Variants in PTCH2 observed in about 807,000 individuals in gnomAD.
PTCH2 encodes the protein patched 2, also known as protein patched homolog 2.
A neutral mutation model predicts 117.9 loss-of-function variants in PTCH2; 96 were observed. That is an observed-to-expected ratio of 0.81 (90% CI 0.69 to 0.96). PTCH2 has a LOEUF of 0.96. Ranked by LOEUF, PTCH2 falls within the 50% of genes least tolerant of loss-of-function variation. The pLI, the probability that PTCH2 is intolerant of heterozygous loss-of-function variation, is 0.00. For synonymous variants in PTCH2, 615 were observed against 660.9 expected, an observed-to-expected ratio of 0.93 and a Z score of 1.06; for missense variants, 1,379 against 1,562.5, an observed-to-expected ratio of 0.88 and a Z score of 1.98.
chr1:44,828,667 C>A, intron 11 of PTCH2, 36 bp from the exon 12 acceptor site: 1 of 1,602,336 alleles, frequency 6.2e-7, no homozygotes, highest in Admixed American at 1.7e-5. Flanking sequence ...CCTCAGGTCA[C>A]AAGGGAGGGG....
rs780531715 is a variant in PTCH2 at position 44,828,324 on chromosome 1, G to A, written c.1681C>T (p.Arg561Cys). 3.7e-6 allele frequency: 6 copies of A among 1,614,008 alleles called. No individual in the cohort carries two copies. Among genetic ancestry groups the A allele is most frequent in the Non-Finnish European group, 3.4e-6 (4 of 1,179,910 alleles). Residue 561 changes from arginine to cysteine, a missense_variant, in exon 13 of 22, where the codon CGC becomes TGC. Physicochemically the swap from Arg to Cys is radical, Grantham distance 180 (BLOSUM62 -3). Transcript: ENST00000372192. Reference protein sequence around the residue: ...SLDLRRRHCQRLDVLCCFSSP... With the variant: ...SLDLRRRHCQCLDVLCCFSSP... ...GAGAAGCAGCAGAGCACATCAAGGC[G>A]CTGGCAGTGGCGCCGCCGTAGGTCC...
intron 19 of PTCH2, among the ~76,000 whole-genome samples, chr1:44,824,133 A>G (rs933394864): frequency 9.2e-5 from 14 of 152,206 alleles, no homozygotes; most frequent in African/African-American, 3.4e-4. Flanking sequence ...ATTTGGTCCT[A>G]TAAATAGAAG....
Position 44,827,967 on chromosome 1 carries a change from A to G in PTCH2, c.1934T>C (p.Leu645Pro), listed in dbSNP as rs1345570715. The G allele has an allele frequency of 1.2e-6, 2 of 1,614,208 alleles. No individual in the cohort carries two copies. Among genetic ancestry groups the G allele is most frequent in the South Asian group, 2.2e-5 (2 of 91,086 alleles). Reference sequence around the variant, plus strand: ...CCTTGTCTCCTCCTCCTGGCCTAGAAGGTCCCGTGTGGACCCTCCAGGGCT... The same window carrying G: ...CCTTGTCTCCTCCTCCTGGCCTAGAGGGTCCCGTGTGGACCCTCCAGGGCT... Reference protein sequence around the residue: ...LFSPGGSTRDLLGQEEETRQK... With the variant: ...LFSPGGSTRDPLGQEEETRQK... Residue 645 changes from leucine to proline, a missense_variant, in exon 14 of 22, where the codon CTT becomes CCT. Physicochemically the swap from Leu to Pro is moderately conservative, Grantham distance 98. Coordinates refer to ENST00000372192, the MANE Select transcript of PTCH2 (RefSeq NM_003738.5).
rs1654022341 is a variant in PTCH2 at position 44,842,983 on chromosome 1, C to T, written c.-51G>A. 6.7e-7 allele frequency: 1 copy of T among 1,499,460 alleles called. No homozygotes were observed. The highest frequency in any genetic ancestry group is 8.9e-7 in the Non-Finnish European group (1 of 1,127,788). 92.9% of individuals were successfully genotyped at this position (1,499,460 alleles called of 1,614,324 possible). On this transcript the variant is annotated 5_prime_UTR_variant, in exon 1 of 22. Coordinates refer to ENST00000372192, the MANE Select transcript of PTCH2 (RefSeq NM_003738.5). Reference sequence around the variant, plus strand: ...GCCCCCAACCCGCGTTATCTGGGCGCTCCCATAGGCTAGCCCGGTCTCCCG... The same window carrying T: ...GCCCCCAACCCGCGTTATCTGGGCGTTCCCATAGGCTAGCCCGGTCTCCCG...
rs567202159 is a variant in PTCH2, at chr1:44,826,055, A to G, written c.3114+195T>C. Reference sequence around the variant, plus strand: ...AAGACAGGGTTTCACCATGTTGGCCAGGCTGGTTTCGAACTCCTGACCTCA... The same window carrying G: ...AAGACAGGGTTTCACCATGTTGGCCGGGCTGGTTTCGAACTCCTGACCTCA... On this transcript the variant is annotated intron_variant, in intron 19 of 21. Coordinates refer to ENST00000372192, the MANE Select transcript of PTCH2 (RefSeq NM_003738.5). The surrounding 1 kb of genome is among the most constrained non-coding windows in gnomAD (Gnocchi z 5.1). 2.6e-4 allele frequency among the ~76,000 whole-genome samples: 39 copies of G among 152,194 alleles called. No homozygotes were observed. The highest frequency in any genetic ancestry group is 1.8e-4 in the Non-Finnish European group (12 of 68,010).
intron 2 of PTCH2, among the ~76,000 whole-genome samples, chr1:44,835,851 G>A (rs1653662722): frequency 6.6e-6 from 1 of 152,198 alleles, no homozygotes; most frequent in South Asian, 2.1e-4. Flanking sequence ...CCGTGTTTCG[G>A]TACTGCTAAG....
chr1:44,820,517 G>A (rs1393857474), downstream of PTCH2: 3 of 679,920 alleles, frequency 4.4e-6, no homozygotes, highest in East Asian at 2.7e-5. Flanking sequence ...GATGGCATCC[G>A]ATCCAATTCA....
chr1:44,822,991 GCT>G, intron 21 of PTCH2, 76 bp downstream of exon 21: 1 of 1,485,006 alleles, frequency 6.7e-7, no homozygotes, highest in Non-Finnish European at 9.2e-7. Context: ...GGGCCACAGG[GCT>G]CTGTCCCTTC....
At chr1:44,840,234 CT>C in intron 2 of PTCH2, among the ~76,000 whole-genome samples, 1 of 151,658 alleles carries the variant, frequency 6.6e-6, no homozygotes, top group South Asian at 2.1e-4. Flanking sequence ...TCCCAAGTAG[CT>C]GGGACTACAG....
At position 44,823,157 on chromosome 1, in the gene PTCH2, G is replaced by T; in HGVS notation, c.3269C>A (p.Ala1090Glu). The change falls in exon 21 of 22, where the codon GCG (alanine) becomes GAG (glutamate). Residue 1090 changes from alanine (A) to glutamate (E), a missense_variant. Physicochemically the swap from Ala to Glu is moderately radical, Grantham distance 107 (BLOSUM62 -1). Coordinates refer to ENST00000372192, the MANE Select transcript of PTCH2 (RefSeq NM_003738.5). The surrounding 1 kb of genome is among the most constrained non-coding windows in gnomAD (Gnocchi z 5.1). ...HFDFIVRYFF[A>E]ALTVLTLLGL... is the part of the protein sequence containing the mutation. ...CAGGAGCGTGAGCACTGTCAGCGCC[G>T]CAAAGAAGTACCTAGGGGTAGGGTG... The T allele has an allele frequency of 6.2e-7, 1 of 1,614,070 alleles. No homozygotes were observed.
rs11573581 is a variant in PTCH2 at position 44,828,619 on chromosome 1, C to G, written c.1477G>C (p.Glu493Gln). 49 of 1,612,534 alleles carry G rather than the reference C, an allele frequency of 3.0e-5. No individual in the cohort carries two copies. Among genetic ancestry groups the G allele is most frequent in the Admixed American group, 1.2e-4 (7 of 59,852 alleles). The change falls in exon 12 of 22, where the codon GAG becomes CAG. Residue 493 changes from glutamate to glutamine, a missense_variant. Physicochemically the swap from Glu to Gln is conservative, Grantham distance 29 (BLOSUM62 2). Transcript: ENST00000372192. ...CTGGTGCCCGTGCGCTGCAGACACT[C>G]GCCCATGCGCTCCTGCCAGGACAGA... ...PGTPLQERMG[E>Q]CLQRTGTSVV...
Position 44,827,531 on chromosome 1 carries a change from C to T in PTCH2, c.2242G>A (p.Asp748Asn), listed in dbSNP as rs1248466034. ...EVALVTQGGF[D>N]YAHSQRALFD... The stretch of plus-strand genomic sequence containing the variant: ...AGGGCGCGTTGGGAGTGGGCGTAGT[C>T]AAAGCCACCCTGGGTCACCAGGGCC... Residue 748 changes from aspartate (D) to asparagine (N), a missense_variant, in exon 15 of 22, where the codon GAC becomes AAC. Coordinates refer to ENST00000372192, the MANE Select transcript of PTCH2 (RefSeq NM_003738.5). 2 of 1,614,108 alleles carry T rather than the reference C, an allele frequency of 1.2e-6. No individual in the cohort carries two copies. The highest frequency in any genetic ancestry group is 2.2e-5 in the South Asian group (2 of 91,078).
chr1:44,826,485 C>T lies in PTCH2; in HGVS notation c.2976+3G>A. 6.2e-7 allele frequency: 1 copy of T among 1,613,848 alleles called. No homozygotes were observed. The highest frequency in any genetic ancestry group is 1.1e-5 in the South Asian group (1 of 91,078). ...CTCTGTCCCCACTCCTGCAAGCACT[C>T]ACTATGAGGCCAGCCGTCCAGGGGT... On this transcript the variant is annotated splice_donor_region_variant and intron_variant, in intron 18 of 21. Transcript: ENST00000372192. The surrounding 1 kb of genome is among the most constrained non-coding windows in gnomAD (Gnocchi z 5.1).
rs745706904 is a variant in PTCH2, at chr1:44,828,431, A to G, written c.1591-17T>C. 6.2e-7 allele frequency: 1 copy of G among 1,614,086 alleles called. No individual in the cohort carries two copies. The highest frequency in any genetic ancestry group is 1.1e-5 in the South Asian group (1 of 91,090). On this transcript the variant is annotated splice_polypyrimidine_tract_variant and intron_variant, in intron 12 of 21. Coordinates refer to ENST00000372192, the MANE Select transcript of PTCH2 (RefSeq NM_003738.5). ...TATGGCCGCCTGGGGGACGGACAGG[A>G]GGGGAATGAAGGCTGGATGAAGCTT... is the stretch of plus-strand genomic sequence containing the variant.
chr1:44,835,394 G>T (rs1343084833), intron 2 of PTCH2, among the ~76,000 whole-genome samples: 1 of 152,152 alleles, frequency 6.6e-6, no homozygotes, highest in Non-Finnish European at 1.5e-5. Flanking sequence ...AATATAACTG[G>T]TTAACCAATA....
At position 44,827,241 on chromosome 1, in the gene PTCH2, A is replaced by T. The variant is rs759243498; in HGVS notation, c.2440T>A (p.Ser814Thr). The T allele has an allele frequency of 1.4e-5, 22 of 1,613,986 alleles. No homozygotes were observed. The highest frequency in any genetic ancestry group is 6.8e-6 in the Non-Finnish European group (8 of 1,180,018). Residue 814 changes from serine (S) to threonine (T), a missense_variant, in exon 16 of 22, where the codon TCT becomes ACT. Coordinates refer to ENST00000372192, the MANE Select transcript of PTCH2 (RefSeq NM_003738.5). The part of the protein sequence containing the change: ...RITRHSYRNG[S>T]EDGALAYKLL... ...TTGTAGGCCAGGGCCCCATCCTCAG[A>T]GCCATTGCGGTACGAGTGGCGGGTG... is the stretch of plus-strand genomic sequence containing the variant.
At chr1:44,841,364 G>A (rs1214495849) in intron 2 of PTCH2, among the ~76,000 whole-genome samples, 1 of 152,188 alleles carries the variant, frequency 6.6e-6, no homozygotes, top group Admixed American at 6.5e-5. Context: ...GGCTTGGCCA[G>A]ATTATTTACT....
Position 44,829,157 on chromosome 1 carries a change from C to T in PTCH2, c.1371G>A (p.Gln457=), listed in dbSNP as rs772159775. The change falls in exon 10 of 22, where the codon CAG becomes CAA. Residue 457 remains glutamine, a splice_region_variant and synonymous_variant. Coordinates refer to ENST00000372192, the MANE Select transcript of PTCH2 (RefSeq NM_003738.5). The part of the protein sequence containing the change: ...LGITFNAATT[Q]VLPFLALGIG... ...AGTCTGCCCTGCAGTCCTGGCGTAC[C>T]TGGGTAGTGGCAGCATTGAAGGTGA... The T allele has an allele frequency of 1.2e-6, 2 of 1,613,760 alleles. No individual in the cohort carries two copies. Among genetic ancestry groups the T allele is most frequent in the African/African-American group, 1.3e-5 (1 of 74,940 alleles).
chr1:44,820,293 T>A (rs1028905034), downstream of PTCH2: 1 of 472,584 alleles, frequency 2.1e-6, no homozygotes, highest in Non-Finnish European at 4.2e-6. Context: ...TGCTCCTCTC[T>A]GCTGGTCCTC....
Sources: allele counts gnomAD v4.1 joint callset (sites outside exome capture counted in the v4.1 genomes callset), GRCh38; gene constraint gnomAD v4.1.1; non-coding constraint Gnocchi (gnomAD v3.1); transcripts MANE v1.5; gene names NCBI Gene and HGNC (gene_info 2026-07-23, HGNC 2026-07-21).